Variants in AKAP19 observed in about 807,000 individuals in gnomAD.
The protein encoded by AKAP19 is A-kinase anchoring protein 19.
At chr2:189,900,507 TA>T in the AKAP19 span, among the ~76,000 whole-genome samples, 3 of 152,242 alleles carry the variant, frequency 2.0e-5, no homozygotes, top group Admixed American at 6.5e-5. Flanking sequence ...AGTATTATTT[TA>T]ATATGCATTT....
chr2:190,074,448 C>G, the AKAP19 span, among the ~76,000 whole-genome samples: 5 of 151,980 alleles, frequency 3.3e-5, no homozygotes, highest in Admixed American at 2.0e-4. Flanking sequence ...GTCAAGAGAT[C>G]AAGACCATCC....
the AKAP19 span, among the ~76,000 whole-genome samples, chr2:189,950,334 G>T: frequency 3.3e-4 from 45 of 137,510 alleles, no homozygotes; most frequent in East Asian, 1.9e-3. Context: ...AGCCTTTTTT[G>T]TTTTTTTTTT....
the AKAP19 span, among the ~76,000 whole-genome samples, chr2:190,108,625 G>A: frequency 1.7e-4 from 26 of 152,242 alleles, no homozygotes; most frequent in African/African-American, 6.0e-4. Context: ...GTATGAGAAG[G>A]TCTCAAATAA....
At chr2:190,045,461 G>A in the AKAP19 span, among the ~76,000 whole-genome samples, 3 of 152,086 alleles carry the variant, frequency 2.0e-5, no homozygotes, top group South Asian at 2.1e-4. Flanking sequence ...CCTGCCCAGC[G>A]AGGAGGAATG....
the AKAP19 span, among the ~76,000 whole-genome samples, chr2:189,988,320 G>C: frequency 5.3e-5 from 8 of 152,122 alleles, no homozygotes; most frequent in Non-Finnish European, 1.0e-4. Context: ...ACAAAGGAAG[G>C]GGAAGTTGCA....
the AKAP19 span, among the ~76,000 whole-genome samples, chr2:190,075,183 A>G: frequency 3.3e-5 from 5 of 152,182 alleles, no homozygotes; most frequent in African/African-American, 1.2e-4. Context: ...TTAATTTCCA[A>G]ATATTCAGAT....
chr2:190,121,092 T>G, the AKAP19 span, among the ~76,000 whole-genome samples: 2 of 151,738 alleles, frequency 1.3e-5, no homozygotes, highest in African/African-American at 2.4e-5. Context: ...TAAAAGTGTA[T>G]TCCAAACTAA....
the AKAP19 span, among the ~76,000 whole-genome samples, chr2:189,993,328 T>G: frequency 6.6e-6 from 1 of 152,230 alleles, no homozygotes; most frequent in Non-Finnish European, 1.5e-5. Context: ...TTGACTTCCA[T>G]ATGTTAAACT....
At chr2:190,127,216 C>T in the AKAP19 span, among the ~76,000 whole-genome samples, 4 of 149,756 alleles carry the variant, frequency 2.7e-5, no homozygotes, top group African/African-American at 9.9e-5. Flanking sequence ...AATAAGACAT[C>T]TGGAACTCTG....
chr2:190,037,232 A>G, the AKAP19 span, among the ~76,000 whole-genome samples: 1 of 152,248 alleles, frequency 6.6e-6, no homozygotes, highest in Non-Finnish European at 1.5e-5. Flanking sequence ...TACCCAGAAT[A>G]GGTAATGAAC....
chr2:190,069,928 G>A, the AKAP19 span, among the ~76,000 whole-genome samples: 11 of 152,092 alleles, frequency 7.2e-5, no homozygotes, highest in African/African-American at 2.7e-4. Context: ...CCAGAGAGAG[G>A]TTATATGATT....
At chr2:190,185,363 G>C in the AKAP19 span, among the ~76,000 whole-genome samples, 1 of 152,208 alleles carries the variant, frequency 6.6e-6, no homozygotes, top group Admixed American at 6.5e-5. Flanking sequence ...CGTATGCACA[G>C]GAGTTTGCAA....
chr2:189,906,648 G>A, the AKAP19 span, among the ~76,000 whole-genome samples: 1 of 152,016 alleles, frequency 6.6e-6, no homozygotes, highest in African/African-American at 2.4e-5. Context: ...ATAATTTTGT[G>A]TTATTTTAAC....
the AKAP19 span, among the ~76,000 whole-genome samples, chr2:189,992,336 G>A: frequency 0.05 from 7,617 of 152,132 alleles, 285 homozygotes; most frequent in Non-Finnish European, 0.068. Flanking sequence ...GATTACAGGC[G>A]TAAGCCACCA....
chr2:189,967,064 T>C, the AKAP19 span, among the ~76,000 whole-genome samples: 1 of 152,226 alleles, frequency 6.6e-6, no homozygotes, highest in Non-Finnish European at 1.5e-5. Context: ...CATTCTTCCT[T>C]ATGGGTAAGT....
At chr2:190,034,831 G>T in the AKAP19 span, among the ~76,000 whole-genome samples, 23 of 130,936 alleles carry the variant, frequency 1.8e-4, no homozygotes, top group Non-Finnish European at 3.6e-4. Flanking sequence ...TCCAGCCTGG[G>T]CAACAAAGCA....
the AKAP19 span, among the ~76,000 whole-genome samples, chr2:189,889,136 TA>T: frequency 0.094 from 14,274 of 152,148 alleles, 864 homozygotes; most frequent in Middle Eastern, 0.15. Context: ...TGAGAGTTTT[TA>T]GTATGAAGGG....
chr2:189,909,660 T>G, the AKAP19 span, among the ~76,000 whole-genome samples: 1 of 152,138 alleles, frequency 6.6e-6, no homozygotes, highest in Non-Finnish European at 1.5e-5. Flanking sequence ...TTTATGTTTT[T>G]GATGTCATAG....
the AKAP19 span, chr2:190,062,349 T>A: frequency 6.2e-7 from 1 of 1,613,272 alleles, no homozygotes; most frequent in Non-Finnish European, 8.5e-7. Context: ...TGGAGGAGCT[T>A]TGGGTAAAAG....
Sources: gnomAD v4.1 joint callset for allele counts (sites outside exome capture counted in the v4.1 genomes callset) on GRCh38, gnomAD v4.1.1 for gene constraint, MANE v1.5 for transcripts, NCBI Gene and HGNC (gene_info 2026-07-23, HGNC 2026-07-21) for gene names.